BLTP1: variants seen among roughly 807,000 people sequenced by gnomAD.
BLTP1 encodes the protein bridge-like lipid transfer protein family member 1.
chr4:122,257,585 C>A, the BLTP1 span: 2 of 1,238,700 alleles, frequency 1.6e-6, no homozygotes, highest in African/African-American at 1.5e-5. Context: ...ATGTTTTTTG[C>A]TTAGATATTA....
At chr4:122,310,580 GGTCTGTTT>G in the BLTP1 span, among the ~76,000 whole-genome samples, 1 of 152,128 alleles carries the variant, frequency 6.6e-6, no homozygotes, top group African/African-American at 2.4e-5. Flanking sequence ...AACTAACCAA[GGTCTGTTT>G]GTTCAGATTC....
At chr4:122,316,763 C>G in the BLTP1 span, 1 of 1,612,618 alleles carries the variant, frequency 6.2e-7, no homozygotes, top group South Asian at 1.1e-5. Context: ...CAGGCAGCAT[C>G]TGCTAGCCAG....
At chr4:122,295,360 C>T in the BLTP1 span, among the ~76,000 whole-genome samples, 2 of 152,054 alleles carry the variant, frequency 1.3e-5, no homozygotes. Context: ...GGGCAGCCAG[C>T]GAGAAAGGCC....
the BLTP1 span, chr4:122,245,248 C>A: frequency 3.0e-6 from 3 of 985,698 alleles, no homozygotes; most frequent in Non-Finnish European, 3.0e-6. Flanking sequence ...AATATTTGGA[C>A]ATGTTCTAAA....
the BLTP1 span, chr4:122,263,104 T>C: frequency 7.2e-7 from 1 of 1,381,160 alleles, no homozygotes; most frequent in South Asian, 1.5e-5. Context: ...TACCTTATCT[T>C]TGAGAAAAAA....
At chr4:122,152,739 A>G in the BLTP1 span, among the ~76,000 whole-genome samples, 2 of 152,146 alleles carry the variant, frequency 1.3e-5, no homozygotes, top group Non-Finnish European at 2.9e-5. Context: ...CCTTACCTAC[A>G]GCCCTGGCAC....
At chr4:122,198,445 A>G in the BLTP1 span, 2 of 985,112 alleles carry the variant, frequency 2.0e-6, no homozygotes, top group Admixed American at 6.2e-5. Context: ...CGCAATTGAT[A>G]ATGTTTCAGT....
the BLTP1 span, chr4:122,344,765 A>G: frequency 9.2e-6 from 9 of 976,744 alleles, no homozygotes; most frequent in South Asian, 4.7e-5. Flanking sequence ...ATAAATAGAC[A>G]TATCACCCAA....
At chr4:122,315,419 A>G in the BLTP1 span, 8 of 1,609,004 alleles carry the variant, frequency 5.0e-6, no homozygotes, top group African/African-American at 4.0e-5. Context: ...TTCAATTTCT[A>G]TACCCAGGAC....
the BLTP1 span, chr4:122,316,694 T>G: frequency 6.3e-7 from 1 of 1,584,926 alleles, no homozygotes; most frequent in African/African-American, 1.4e-5. Context: ...CTGTGTGACT[T>G]GAGGGTGGTA....
the BLTP1 span, among the ~76,000 whole-genome samples, chr4:122,228,156 G>A: frequency 4.6e-5 from 7 of 151,860 alleles, no homozygotes; most frequent in Non-Finnish European, 8.8e-5. Context: ...CTCGTGATCC[G>A]CCTGCCTTTG....
the BLTP1 span, chr4:122,221,625 A>G: frequency 5.7e-6 from 1 of 174,086 alleles, no homozygotes; most frequent in Non-Finnish European, 1.1e-5. Context: ...CTATTCTGTC[A>G]TCACAAAGAT....
At chr4:122,289,465 A>G in the BLTP1 span, 47 of 978,946 alleles carry the variant, frequency 4.8e-5, no homozygotes, top group Admixed American at 3.1e-4. Context: ...CAGTATGTCT[A>G]TTAACCAAAT....
At chr4:122,200,092 T>TA in the BLTP1 span, 1 of 941,854 alleles carries the variant, frequency 1.1e-6, no homozygotes, top group Non-Finnish European at 1.3e-6. Flanking sequence ...TCTTAATTTC[T>TA]TGTCTTAAAC....
chr4:122,327,772 C>T, the BLTP1 span: 1 of 156,326 alleles, frequency 6.4e-6, no homozygotes, highest in African/African-American at 2.4e-5. Context: ...ACTAATTGCT[C>T]TTGCCATTCT....
the BLTP1 span, chr4:122,270,978 G>A: frequency 6.6e-7 from 1 of 1,519,304 alleles, no homozygotes; most frequent in South Asian, 1.3e-5. Flanking sequence ...CTGGAAAAAT[G>A]GAAGAAAAAC....
At chr4:122,289,962 C>T in the BLTP1 span, 272 of 221,216 alleles carry the variant, frequency 1.2e-3, no homozygotes, top group Non-Finnish European at 1.8e-3. Flanking sequence ...CAGAAGAAGT[C>T]GTATCCCAAA....
the BLTP1 span, chr4:122,234,132 TTAA>T: frequency 5.4e-6 from 1 of 183,858 alleles, no homozygotes; most frequent in Non-Finnish European, 1.0e-5. Context: ...AAGAGGGGAG[TTAA>T]TAAATACTGA....
chr4:122,251,137 T>C, the BLTP1 span: 3 of 976,760 alleles, frequency 3.1e-6, no homozygotes, highest in Admixed American at 6.1e-5. Context: ...GGCAAGTTCC[T>C]AACCTTTTCC....
Sources: gnomAD v4.1 joint callset for allele counts (sites outside exome capture counted in the v4.1 genomes callset) on GRCh38, gnomAD v4.1.1 for gene constraint, MANE v1.5 for transcripts, NCBI Gene and HGNC (gene_info 2026-07-23, HGNC 2026-07-21) for gene names.